Variants in GALNT13 observed in about 807,000 individuals in gnomAD.
The protein encoded by GALNT13 is polypeptide N-acetylgalactosaminyltransferase 13.
Under a neutral mutation model 64.2 loss-of-function variants are expected in GALNT13, and 28 were observed. That is an observed-to-expected ratio of 0.44 (90% confidence interval 0.32 to 0.60). The LOEUF (loss-of-function observed/expected upper bound fraction) is 0.60. Ranked by LOEUF, GALNT13 falls within the 20% of genes least tolerant of loss-of-function variation. The pLI is 0.05. For synonymous variants in GALNT13, 214 were observed against 224.6 expected (o/e 0.95, Z 0.42); for missense variants, 577 against 669.8 (o/e 0.86, Z 1.53).
the GALNT13 span, among the ~76,000 whole-genome samples, chr2:153,194,464 T>C: frequency 6.6e-6 from 1 of 152,224 alleles, no homozygotes; most frequent in Admixed American, 6.5e-5. Flanking sequence ...ATGATATCTT[T>C]CTCTTTTATA....
chr2:154,014,502 T>G (rs567609801), intron 3 of GALNT13, among the ~76,000 whole-genome samples: 1 of 151,760 alleles, frequency 6.6e-6, no homozygotes, highest in South Asian at 2.1e-4. Flanking sequence ...GCCTTCCCTC[T>G]GAAGGTCTGC....
At chr2:153,439,748 C>T in the GALNT13 span, among the ~76,000 whole-genome samples, 1 of 152,096 alleles carries the variant, frequency 6.6e-6, no homozygotes, top group Admixed American at 6.5e-5. Flanking sequence ...AAGTGAATTC[C>T]CTGACTTGTT....
intron 4 of GALNT13, among the ~76,000 whole-genome samples, chr2:154,206,270 G>T (rs1687447402): frequency 6.6e-6 from 1 of 151,600 alleles, no homozygotes; most frequent in African/African-American, 2.4e-5. Flanking sequence ...CAAAGTGCTG[G>T]GATTACAGGC....
chr2:154,233,321 G>T (rs1322644589), intron 4 of GALNT13, among the ~76,000 whole-genome samples: 3 of 152,088 alleles, frequency 2.0e-5, no homozygotes, highest in Non-Finnish European at 4.4e-5. Context: ...ATAATAGTTT[G>T]GGATGGGTAG....
the GALNT13 span, among the ~76,000 whole-genome samples, chr2:153,798,187 A>T: frequency 6.6e-6 from 1 of 152,208 alleles, no homozygotes; most frequent in Non-Finnish European, 1.5e-5. Context: ...CTTACAATTC[A>T]GGATTTGCTG....
intron 1 of GALNT13, among the ~76,000 whole-genome samples, chr2:153,882,422 C>G (rs1176224202): frequency 1.3e-5 from 2 of 152,128 alleles, no homozygotes; most frequent in Non-Finnish European, 2.9e-5. Flanking sequence ...ACTCACCTAA[C>G]TATCCACTCT....
the GALNT13 span, among the ~76,000 whole-genome samples, chr2:153,095,132 C>A: frequency 6.6e-6 from 1 of 152,174 alleles, no homozygotes; most frequent in East Asian, 1.9e-4. Flanking sequence ...TTTTTGCAAT[C>A]TACCCATCTG....
the GALNT13 span, among the ~76,000 whole-genome samples, chr2:153,641,051 G>A: frequency 1.3e-5 from 2 of 152,072 alleles, no homozygotes; most frequent in African/African-American, 2.4e-5. Context: ...AACAGCAATG[G>A]TTCAAGCATT....
chr2:153,187,340 C>G, the GALNT13 span: 1 of 152,178 alleles, frequency 6.6e-6, no homozygotes, highest in East Asian at 1.9e-4. Flanking sequence ...ACCTCTGATT[C>G]TCTTTTTCCT....
At chr2:154,230,198 C>T (rs572861299) in intron 4 of GALNT13, among the ~76,000 whole-genome samples, 112 of 152,152 alleles carry the variant, frequency 7.4e-4, no homozygotes, top group African/African-American at 2.4e-3. Flanking sequence ...AAAGCCCAGA[C>T]CAGAGTCCAG....
the GALNT13 span, among the ~76,000 whole-genome samples, chr2:153,725,627 T>C: frequency 6.6e-6 from 1 of 151,964 alleles, no homozygotes; most frequent in Non-Finnish European, 1.5e-5. Flanking sequence ...TTTGGAAAAA[T>C]GTAAAGTTTA....
At chr2:154,021,654 C>T (rs1022230791) in intron 3 of GALNT13, among the ~76,000 whole-genome samples, 1 of 151,788 alleles carries the variant, frequency 6.6e-6, no homozygotes, top group Non-Finnish European at 1.5e-5. Context: ...CAAACAGGGA[C>T]AATTTGACTT....
intron 3 of GALNT13, among the ~76,000 whole-genome samples, chr2:154,003,536 T>A (rs1248389792): frequency 2.0e-5 from 3 of 152,200 alleles, no homozygotes; most frequent in Admixed American, 6.5e-5. Context: ...CTGAGGGATC[T>A]TCTATCCTGC....
chr2:153,964,737 G>GA (rs891779752), intron 3 of GALNT13, among the ~76,000 whole-genome samples: 5 of 151,182 alleles, frequency 3.3e-5, no homozygotes, highest in Non-Finnish European at 7.4e-5. Flanking sequence ...ATTCATTGTA[G>GA]AAAAAAATAA....
chr2:153,681,538 A>G, the GALNT13 span, among the ~76,000 whole-genome samples: 1 of 151,786 alleles, frequency 6.6e-6, no homozygotes, highest in Non-Finnish European at 1.5e-5. Flanking sequence ...CATGAACAGA[A>G]TTTTAAAAAG....
intron 1 of GALNT13, among the ~76,000 whole-genome samples, chr2:153,883,096 T>TAA (rs1491064152): frequency 6.8e-6 from 1 of 146,758 alleles, no homozygotes; most frequent in Non-Finnish European, 1.5e-5. Context: ...TATATATATA[T>TAA]AATTCTTGAA....
At chr2:153,910,818 A>G (rs914955186) in intron 2 of GALNT13, among the ~76,000 whole-genome samples, 7 of 152,026 alleles carry the variant, frequency 4.6e-5, no homozygotes, top group African/African-American at 1.7e-4. Context: ...GTTCTTTTGC[A>G]TTTGCTGATT....
At chr2:153,775,583 C>T in the GALNT13 span, among the ~76,000 whole-genome samples, 1 of 151,934 alleles carries the variant, frequency 6.6e-6, no homozygotes, top group Non-Finnish European at 1.5e-5. Context: ...AATTTTTTTT[C>T]ATTATAAAAG....
the GALNT13 span, among the ~76,000 whole-genome samples, chr2:153,599,876 C>T: frequency 6.6e-6 from 1 of 151,928 alleles, no homozygotes; most frequent in African/African-American, 2.4e-5. Flanking sequence ...TTTTCCCCCT[C>T]TTCTCAGAGC....
Sources: gnomAD v4.1 joint callset for allele counts (sites outside exome capture counted in the v4.1 genomes callset) on GRCh38, gnomAD v4.1.1 for gene constraint, MANE v1.5 for transcripts, NCBI Gene and HGNC (gene_info 2026-07-23, HGNC 2026-07-21) for gene names.